GALNT14: variants seen among roughly 807,000 people sequenced by gnomAD.
GALNT14 encodes UDP-GalNAc:polypeptide N-acetylgalactosaminyltransferase 14.
A neutral mutation model predicts 77.5 loss-of-function variants in GALNT14; 60 were observed. The observed-to-expected ratio is 0.77, with a 90% confidence interval of 0.63 to 0.96. The LOEUF is 0.96. GALNT14 is among the 40% of genes least tolerant of loss of function. The pLI, the probability that GALNT14 is intolerant of heterozygous loss-of-function variation, is 0.00. For synonymous variants in GALNT14, 280 were observed against 281.7 expected (o/e 0.99, Z 0.06); for missense variants, 710 against 731.0 (o/e 0.97, Z 0.33).
chr2:31,055,009 TCATA>T (rs775422404), intron 1 of GALNT14, among the ~76,000 whole-genome samples: 28 of 152,144 alleles, frequency 1.8e-4, no homozygotes, highest in Non-Finnish European at 3.7e-4. Context: ...AGGCTTGAGG[TCATA>T]CAGAGGAAAC....
chr2:30,998,277 T>A (rs1022030117), intron 1 of GALNT14, among the ~76,000 whole-genome samples: 1 of 152,156 alleles, frequency 6.6e-6, no homozygotes, highest in Non-Finnish European at 1.5e-5. Flanking sequence ...ATCTTGAATC[T>A]CCTTTTCTCC....
rs553413687 is a variant in GALNT14 at position 30,912,281 on chromosome 2, G to A, written c.1442C>T (p.Thr481Ile). 1 of 1,614,188 alleles carries A rather than the reference G, an allele frequency of 6.2e-7. No individual in the cohort carries two copies. The highest frequency in any genetic ancestry group is 1.7e-5 in the Admixed American group (1 of 60,024). ...AACCACTGGGGCGCCAGGGAACAAG[G>A]TGATGACTGACAGGCACAGCTCCTC... ...LQEELCLSVITLFPGAPVVLV... is the reference protein window; with the variant it reads ...LQEELCLSVIILFPGAPVVLV... The change falls in exon 14 of 15, where the codon ACC (threonine) becomes ATC (isoleucine). Residue 481 changes from threonine (T) to isoleucine (I), a missense_variant. Transcript: ENST00000349752.
intron 1 of GALNT14, among the ~76,000 whole-genome samples, chr2:31,123,778 A>G (rs1381716654): frequency 6.6e-6 from 1 of 152,138 alleles, no homozygotes; most frequent in Non-Finnish European, 1.5e-5. Flanking sequence ...TTTAAAAGCA[A>G]TTGTCTCAAA....
intron 1 of GALNT14, among the ~76,000 whole-genome samples, chr2:31,086,146 C>T (rs148174344): frequency 7.9e-5 from 12 of 152,342 alleles, no homozygotes; most frequent in African/African-American, 2.4e-4. Flanking sequence ...CATTTCCCCA[C>T]CCTGGCCATT....
At chr2:30,902,442 C>T in the GALNT14 span, among the ~76,000 whole-genome samples, 1 of 152,132 alleles carries the variant, frequency 6.6e-6, no homozygotes, top group Non-Finnish European at 1.5e-5. Flanking sequence ...GCAGACTACC[C>T]TCCACATCCT....
chr2:31,057,558 C>T (rs1265767562), intron 1 of GALNT14, among the ~76,000 whole-genome samples: 1 of 151,728 alleles, frequency 6.6e-6, no homozygotes, highest in Non-Finnish European at 1.5e-5. Context: ...TGAAAGGCAA[C>T]AGCCCTTCTC....
intron 1 of GALNT14, among the ~76,000 whole-genome samples, chr2:31,032,564 G>A (rs1034484121): frequency 6.6e-6 from 1 of 152,130 alleles, no homozygotes; most frequent in Non-Finnish European, 1.5e-5. Context: ...GCATCCTAAG[G>A]CTGTGAAATG....
chr2:31,074,407 ATT>A (rs58156416), intron 1 of GALNT14, among the ~76,000 whole-genome samples: 4 of 149,594 alleles, frequency 2.7e-5, no homozygotes, highest in Admixed American at 6.6e-5. Context: ...TCTTTGGGGG[ATT>A]TTTTTTTTTG....
chr2:31,131,670 T>A (rs150370240), intron 1 of GALNT14, among the ~76,000 whole-genome samples: 1,641 of 152,232 alleles, frequency 0.011, 18 homozygotes, highest in South Asian at 0.042. Context: ...AGGCATGGTG[T>A]AGGATGTAGG....
chr2:31,048,564 T>A (rs891643845), intron 1 of GALNT14, among the ~76,000 whole-genome samples: 2 of 151,808 alleles, frequency 1.3e-5, no homozygotes, highest in Non-Finnish European at 2.9e-5. Context: ...GTGCTGGAGA[T>A]AACCAGGCCC....
At chr2:31,076,832 G>C (rs1675828914) in intron 1 of GALNT14, among the ~76,000 whole-genome samples, 1 of 152,040 alleles carries the variant, frequency 6.6e-6, no homozygotes, top group African/African-American at 2.4e-5. Flanking sequence ...TGGACAACAG[G>C]TGTAAACTCA....
At chr2:31,127,623 T>C (rs1391820660) in intron 1 of GALNT14, among the ~76,000 whole-genome samples, 1 of 152,190 alleles carries the variant, frequency 6.6e-6, no homozygotes, top group East Asian at 1.9e-4. Flanking sequence ...TTCCCTAAAA[T>C]ACATAGCATT....
intron 1 of GALNT14, among the ~76,000 whole-genome samples, chr2:31,023,408 CCT>C (rs535278926): frequency 6.6e-6 from 1 of 152,188 alleles, no homozygotes; most frequent in African/African-American, 2.4e-5. Flanking sequence ...TCAAAGCTCC[CCT>C]CTCTGCTGGA....
chr2:31,030,930 T>TG (rs1014062922), intron 1 of GALNT14, among the ~76,000 whole-genome samples: 1 of 152,166 alleles, frequency 6.6e-6, no homozygotes, highest in Non-Finnish European at 1.5e-5. Flanking sequence ...TTGCATTCAC[T>TG]GGGGGGCTGA....
At position 31,137,965 on chromosome 2, in the gene GALNT14, G is replaced by C; in HGVS notation, c.122C>G (p.Thr41Ser). ...LEVPTGPEVQ[T>S]PKPSDADWDD... ...CGCCGGCAAGCCGCCTACCTTAGGG[G>C]TCTGCACTTCAGGTCCCGTCGGCAC... Residue 41 changes from threonine (T) to serine (S), a missense_variant, in exon 1 of 15, where the codon ACC (threonine) becomes AGC (serine). By Grantham distance (58) the Thr-to-Ser change is moderately conservative (BLOSUM62 1). Coordinates refer to ENST00000349752, the MANE Select transcript of GALNT14 (RefSeq NM_024572.4). The C allele has an allele frequency of 1.2e-6, 2 of 1,612,882 alleles. No individual in the cohort carries two copies. Among genetic ancestry groups the C allele is most frequent in the Non-Finnish European group, 1.7e-6 (2 of 1,179,342 alleles).
At chr2:31,053,714 C>T (rs937362524) in intron 1 of GALNT14, among the ~76,000 whole-genome samples, 8 of 152,170 alleles carry the variant, frequency 5.3e-5, no homozygotes, top group African/African-American at 1.9e-4. Context: ...TTCCCAGGAG[C>T]TCAAAGCCCA....
intron 14 of GALNT14, among the ~76,000 whole-genome samples, chr2:30,911,934 C>G (rs573282847): frequency 6.6e-6 from 1 of 152,120 alleles, no homozygotes; most frequent in Admixed American, 6.5e-5. Flanking sequence ...TGGGATCCCA[C>G]GTGGGGAACA....
intron 1 of GALNT14, chr2:31,129,469 A>C (rs1030038163): frequency 1.8e-5 from 18 of 985,330 alleles, no homozygotes; most frequent in Admixed American, 6.1e-5. Context: ...TAAGGACATT[A>C]GTCAATTCAG....
intron 6 of GALNT14, 105 bp downstream of exon 6, chr2:30,955,513 C>T (rs1312650874): frequency 6.9e-7 from 1 of 1,450,476 alleles, no homozygotes; most frequent in Non-Finnish European, 9.3e-7. Context: ...GTTCTGCCCA[C>T]CTCCCAGAAG....
Sources: allele counts gnomAD v4.1 joint callset (sites outside exome capture counted in the v4.1 genomes callset), GRCh38; gene constraint gnomAD v4.1.1; transcripts MANE v1.5; gene names NCBI Gene and HGNC (gene_info 2026-07-23, HGNC 2026-07-21).